The following SAMD8 variants were observed in gnomAD, a reference collection of about 807,000 sequenced individuals.
SAMD8 encodes sphingomyelin synthase-related protein 1.
Under a neutral mutation model 42.0 loss-of-function variants are expected in SAMD8, and 20 were observed. That is an observed-to-expected ratio of 0.48 (90% CI 0.34 to 0.69). The LOEUF is 0.69. Ranked by LOEUF, SAMD8 falls within the 30% of genes least tolerant of loss-of-function variation. The pLI is 0.01. For missense variants in SAMD8, 328 were observed against 511.6 expected (o/e 0.64, Z 3.46); for synonymous variants, 162 against 173.0 (o/e 0.94, Z 0.50).
At chr10:75,174,193 G>A (rs963848165) in intron 4 of SAMD8, among the ~76,000 whole-genome samples, 6 of 152,182 alleles carry the variant, frequency 3.9e-5, no homozygotes, top group South Asian at 2.1e-4. Flanking sequence ...GCAGTGGCGC[G>A]ATCTCTGTTC....
intron 2 of SAMD8, among the ~76,000 whole-genome samples, chr10:75,153,202 G>A (rs983160552): frequency 1.3e-5 from 2 of 151,822 alleles, no homozygotes; most frequent in African/African-American, 4.8e-5. Context: ...GGCTGGTCTC[G>A]AACTCCTGAC....
At chr10:75,127,694 G>T (rs1300173846) in intron 1 of SAMD8, among the ~76,000 whole-genome samples, 1 of 152,264 alleles carries the variant, frequency 6.6e-6, no homozygotes, top group East Asian at 1.9e-4. Context: ...TGTACATCCT[G>T]TCTGCTTCCT....
At chr10:75,155,457 C>CAA (rs369963500) in intron 2 of SAMD8, among the ~76,000 whole-genome samples, 2 of 105,702 alleles carry the variant, frequency 1.9e-5, no homozygotes, top group Non-Finnish European at 4.1e-5. Flanking sequence ...AGAAGCCAAG[C>CAA]AAAAAAAAAA....
intron 2 of SAMD8, among the ~76,000 whole-genome samples, chr10:75,159,017 A>G (rs1840488570): frequency 6.6e-6 from 1 of 150,750 alleles, no homozygotes; most frequent in African/African-American, 2.4e-5. Flanking sequence ...GCTGCTATGA[A>G]CATTCATATG....
At chr10:75,123,421 G>C (rs12242320) in intron 1 of SAMD8, among the ~76,000 whole-genome samples, 2,130 of 152,264 alleles carry the variant, frequency 0.014, 51 homozygotes, top group African/African-American at 0.048. Context: ...TGTTAAGAGA[G>C]GGGGAGAGAC....
At chr10:75,139,625 A>G (rs1839972666) in intron 1 of SAMD8, among the ~76,000 whole-genome samples, 1 of 152,240 alleles carries the variant, frequency 6.6e-6, no homozygotes, top group African/African-American at 2.4e-5. Flanking sequence ...TGAGAGAAAT[A>G]TAACAAATTA....
At chr10:75,170,125 T>G (rs1450480018) in intron 4 of SAMD8, among the ~76,000 whole-genome samples, 1 of 152,246 alleles carries the variant, frequency 6.6e-6, no homozygotes, top group Non-Finnish European at 1.5e-5. Context: ...TAAAATCGCC[T>G]GTACTTTATA....
chr10:75,150,633 T>TA lies in SAMD8; in HGVS notation c.107dup (p.His37AlafsTer4). On this transcript the variant is annotated frameshift_variant, in exon 2 of 6. Coordinates refer to ENST00000542569, the MANE Select transcript of SAMD8 (RefSeq NM_001174156.2). LOFTEE classifies it high-confidence loss of function. ...TTGAATATGTGGACATTTTATGCAA[T>TA]AAGCACCGACTTGATGGAATCACAT... 2 of 1,614,212 alleles carry TA rather than the reference T, an allele frequency of 1.2e-6. No individual in the cohort carries two copies. The highest frequency in any genetic ancestry group is 8.5e-7 in the Non-Finnish European group (1 of 1,180,034).
At chr10:75,127,842 AACAACATGT>A (rs1849180607) in intron 1 of SAMD8, among the ~76,000 whole-genome samples, 2 of 152,226 alleles carry the variant, frequency 1.3e-5, no homozygotes, top group Non-Finnish European at 2.9e-5. Context: ...CATGCTAAGG[AACAACATGT>A]ACTTTTGTTC....
intron 1 of SAMD8, among the ~76,000 whole-genome samples, chr10:75,148,720 TTTATAAGGCC>T (rs1840210107): frequency 6.6e-6 from 1 of 152,110 alleles, no homozygotes; most frequent in Non-Finnish European, 1.5e-5. Context: ...CAACAATGCA[TTTATAAGGCC>T]ATGATAAACA....
At chr10:75,131,867 C>G (rs1465641645) in intron 1 of SAMD8, among the ~76,000 whole-genome samples, 1 of 152,166 alleles carries the variant, frequency 6.6e-6, no homozygotes, top group East Asian at 1.9e-4. Flanking sequence ...GCATCTCAAG[C>G]CTCACTGTGC....
intron 1 of SAMD8, among the ~76,000 whole-genome samples, chr10:75,105,214 G>A (rs1589911590): frequency 6.6e-6 from 1 of 152,308 alleles, no homozygotes; most frequent in East Asian, 1.9e-4. Flanking sequence ...GGGGGAAGGG[G>A]ATGTGGAGGT....
At chr10:75,112,225 G>A (rs1236549714) in intron 1 of SAMD8, among the ~76,000 whole-genome samples, 1 of 152,188 alleles carries the variant, frequency 6.6e-6, no homozygotes. Context: ...CTCCCACCCC[G>A]GGTGGGGCTG....
intron 1 of SAMD8, among the ~76,000 whole-genome samples, chr10:75,146,775 G>C (rs1435725539): frequency 6.6e-6 from 1 of 152,144 alleles, no homozygotes; most frequent in Non-Finnish European, 1.5e-5. Context: ...TTATCAATTT[G>C]TATTTATCAT....
chr10:75,111,692 G>T lies in SAMD8; in HGVS notation c.-46G>T, dbSNP rs1270128232. 5 of 1,235,704 alleles carry T rather than the reference G, an allele frequency of 4.0e-6. No individual in the cohort carries two copies. The highest frequency in any genetic ancestry group is 5.1e-6 in the Non-Finnish European group (5 of 989,974). The allele number at this position is 1,235,704 out of a possible 1,614,324, so 76.5% of individuals were successfully genotyped here. On this transcript the variant is annotated 5_prime_UTR_variant, in exon 1 of 6. Coordinates refer to ENST00000542569, the MANE Select transcript of SAMD8 (RefSeq NM_001174156.2). ...GCGGCTCGGACGCCGACTCGGAGGT[G>T]GGTCCGGGGAGCCCGACTCGGACCG... is the stretch of plus-strand genomic sequence containing the variant.
At chr10:75,120,261 TTTTTA>T (rs1252873210) in intron 1 of SAMD8, among the ~76,000 whole-genome samples, 1 of 152,122 alleles carries the variant, frequency 6.6e-6, no homozygotes, top group Non-Finnish European at 1.5e-5. Context: ...ACTGACATAC[TTTTTA>T]TTTTATTTTA....
intron 1 of SAMD8, chr10:75,102,038 T>C: frequency 8.8e-7 from 1 of 1,131,270 alleles, no homozygotes; most frequent in East Asian, 5.1e-5. Flanking sequence ...ACTCCCAACT[T>C]GTCCACTGGT....
In SAMD8 at chr10:75,150,442, T is replaced by A. The variant is rs1840260635; in HGVS notation, c.-15-72T>A. ...CTGGCCTGTTTCTGGTGTATTTATGTGTGTTTGTCTTTGAAGAAATTGTTA... is the reference window on the plus strand; with the variant it reads ...CTGGCCTGTTTCTGGTGTATTTATGAGTGTTTGTCTTTGAAGAAATTGTTA... On this transcript the variant is annotated intron_variant, in intron 1 of 5. Transcript: ENST00000542569. 2.0e-6 allele frequency: 3 copies of A among 1,514,574 alleles called. No individual in the cohort carries two copies. In the Middle Eastern group the frequency reaches 5.3e-4, roughly 270 times the overall value. 93.8% of individuals were successfully genotyped at this position (1,514,574 alleles called of 1,614,324 possible).
At chr10:75,131,367 C>T (rs374139426) in intron 1 of SAMD8, among the ~76,000 whole-genome samples, 11 of 152,250 alleles carry the variant, frequency 7.2e-5, no homozygotes, top group African/African-American at 2.6e-4. Flanking sequence ...GTTGCCTCTA[C>T]TAATTACTAC....
Sources: gnomAD v4.1 joint callset for allele counts (sites outside exome capture counted in the v4.1 genomes callset) on GRCh38, gnomAD v4.1.1 for gene constraint, MANE v1.5 for transcripts, NCBI Gene and HGNC (gene_info 2026-07-23, HGNC 2026-07-21) for gene names.